Variants in AUH observed in about 807,000 individuals in gnomAD.
AUH encodes AU RNA binding methylglutaconyl-CoA hydratase, also known as methylglutaconyl-CoA hydratase, mitochondrial.
In AUH, 29 loss-of-function variants were observed where a neutral mutation model predicts 42.3. The ratio of observed to expected loss-of-function variants is 0.69; its 90% CI spans 0.51 to 0.93. AUH has a LOEUF of 0.93. AUH is among the 40% of genes least tolerant of loss of function. The pLI is 0.00. For missense variants in AUH, 452 were observed against 438.1 expected (o/e 1.03, Z -0.28); for synonymous variants, 174 against 166.4 (o/e 1.05, Z -0.35).
intron 4 of AUH, among the ~76,000 whole-genome samples, chr9:91,304,659 A>G (rs1828071566): frequency 6.6e-6 from 1 of 152,248 alleles, no homozygotes; most frequent in African/African-American, 2.4e-5. Context: ...TAATATTCTC[A>G]AATCATTAAA....
In AUH at chr9:91,361,704, G is replaced by A; in HGVS notation, c.186C>T (p.Ala62=). Residue 62 remains alanine, a synonymous_variant, in exon 1 of 10, where the codon GCC becomes GCT. Transcript: ENST00000375731. ...QGWVPAAGGP[A]PKRGYSSEMK... is the part of the protein sequence containing the mutation. ...TCTCAGAGCTGTAGCCCCTTTTCGGGGCGGGACCCCCGGCCGCAGGTACCC... is the reference window on the plus strand; with the variant it reads ...TCTCAGAGCTGTAGCCCCTTTTCGGAGCGGGACCCCCGGCCGCAGGTACCC... 1.3e-6 allele frequency: 2 copies of A among 1,558,194 alleles called. No individual in the cohort carries two copies. The highest frequency in any genetic ancestry group is 1.7e-6 in the Non-Finnish European group (2 of 1,151,390).
chr9:91,356,910 A>G (rs1272005708), intron 1 of AUH, among the ~76,000 whole-genome samples: 3 of 152,220 alleles, frequency 2.0e-5, no homozygotes, highest in Non-Finnish European at 4.4e-5. Context: ...TGGAGTAGAC[A>G]AATTTTCACA....
intron 6 of AUH, among the ~76,000 whole-genome samples, chr9:91,252,794 T>C (rs144150911): frequency 3.3e-5 from 5 of 152,354 alleles, no homozygotes; most frequent in African/African-American, 9.6e-5. Flanking sequence ...ACAAAGCCAG[T>C]AGCATTGACC....
chr9:91,344,567 T>C (rs935837499), intron 3 of AUH, among the ~76,000 whole-genome samples: 3 of 152,198 alleles, frequency 2.0e-5, no homozygotes, highest in African/African-American at 7.2e-5. Context: ...CCTGTATTTA[T>C]TAAAGATATC....
At chr9:91,336,731 A>G (rs1308902280) in intron 3 of AUH, among the ~76,000 whole-genome samples, 1 of 152,054 alleles carries the variant, frequency 6.6e-6, no homozygotes, top group South Asian at 2.1e-4. Context: ...CCTGGATTGC[A>G]CAGGTTTATA....
chr9:91,217,443 G>A, intron 7 of AUH, 116 bp from the exon 8 acceptor site: 1 of 1,114,332 alleles, frequency 9.0e-7, no homozygotes, highest in South Asian at 1.4e-5. Flanking sequence ...AGCAATGGCT[G>A]TCAGATACTA....
intron 6 of AUH, among the ~76,000 whole-genome samples, chr9:91,294,408 C>T (rs1235656140): frequency 2.0e-5 from 3 of 152,246 alleles, no homozygotes; most frequent in Non-Finnish European, 4.4e-5. Flanking sequence ...ATTAGCTGGG[C>T]ACGGTGGTGT....
intron 4 of AUH, among the ~76,000 whole-genome samples, chr9:91,321,623 CA>C (rs1829580115): frequency 6.6e-6 from 1 of 152,008 alleles, no homozygotes; most frequent in Non-Finnish European, 1.5e-5. Flanking sequence ...CTCCAAACAA[CA>C]GGAAAAATGA....
intron 1 of AUH, among the ~76,000 whole-genome samples, chr9:91,357,144 G>A (rs1832476376): frequency 6.6e-6 from 1 of 152,188 alleles, no homozygotes; most frequent in East Asian, 1.9e-4. Context: ...TATCTGACAG[G>A]ATCTGTATTA....
intron 4 of AUH, among the ~76,000 whole-genome samples, chr9:91,298,718 C>T (rs1360463893): frequency 6.6e-6 from 1 of 152,160 alleles, no homozygotes; most frequent in Admixed American, 6.5e-5. Context: ...ACTAAAAGCT[C>T]AACTTGCTTG....
intron 3 of AUH, among the ~76,000 whole-genome samples, chr9:91,334,275 T>G (rs373285084): frequency 6.6e-6 from 1 of 152,222 alleles, no homozygotes; most frequent in Admixed American, 6.5e-5. Context: ...AAATACAGTT[T>G]CTTGGTACGT....
chr9:91,319,888 T>C (rs543983912), intron 4 of AUH, among the ~76,000 whole-genome samples: 1 of 152,312 alleles, frequency 6.6e-6, no homozygotes, highest in East Asian at 1.9e-4. Flanking sequence ...TTGATCCTTG[T>C]GCAAGTTCCT....
At chr9:91,286,044 T>C (rs1316542813) in intron 6 of AUH, among the ~76,000 whole-genome samples, 1 of 152,154 alleles carries the variant, frequency 6.6e-6, no homozygotes, top group African/African-American at 2.4e-5. Flanking sequence ...TTATTAATCA[T>C]ATTTGGCACA....
chr9:91,285,324 G>C (rs758054461), intron 6 of AUH, among the ~76,000 whole-genome samples: 7 of 152,000 alleles, frequency 4.6e-5, no homozygotes, highest in Admixed American at 6.5e-5. Flanking sequence ...GTGGGGGAAG[G>C]GGGGAGGGAT....
intron 6 of AUH, among the ~76,000 whole-genome samples, chr9:91,294,245 T>C (rs1168063934): frequency 6.6e-6 from 1 of 152,174 alleles, no homozygotes; most frequent in Non-Finnish European, 1.5e-5. Flanking sequence ...TTTCAAGTCT[T>C]ATTATTTAAG....
chr9:91,308,791 CTT>C (rs201772761), intron 4 of AUH, among the ~76,000 whole-genome samples: 35 of 136,322 alleles, frequency 2.6e-4, no homozygotes, highest in Admixed American at 5.1e-4. Flanking sequence ...TTAAGCAATT[CTT>C]TTTTTTTTTT....
At chr9:91,305,806 C>T (rs1828172022) in intron 4 of AUH, among the ~76,000 whole-genome samples, 1 of 152,174 alleles carries the variant, frequency 6.6e-6, no homozygotes, top group Non-Finnish European at 1.5e-5. Context: ...TTGCCTGGTA[C>T]AGTCTGAGCA....
At chr9:91,350,326 T>TGTCCTAA (rs1831866732) in intron 3 of AUH, among the ~76,000 whole-genome samples, 1 of 152,204 alleles carries the variant, frequency 6.6e-6, no homozygotes. Flanking sequence ...AAGAGAAAAC[T>TGTCCTAA]CTGTCCTAAC....
chr9:91,251,964 T>A (rs1193305200), intron 6 of AUH, among the ~76,000 whole-genome samples: 1 of 152,092 alleles, frequency 6.6e-6, no homozygotes, highest in South Asian at 2.1e-4. Flanking sequence ...TCTTTTTACT[T>A]TTCAGGATTT....
Sources: allele counts gnomAD v4.1 joint callset (sites outside exome capture counted in the v4.1 genomes callset), GRCh38; gene constraint gnomAD v4.1.1; transcripts MANE v1.5; gene names NCBI Gene and HGNC (gene_info 2026-07-23, HGNC 2026-07-21).